FAM186B: variants seen among roughly 807,000 people sequenced by gnomAD.
FAM186B encodes the protein family with sequence similarity 186 member B.
In FAM186B, 68 loss-of-function variants were observed where a neutral mutation model predicts 83.4. The ratio of observed to expected loss-of-function variants is 0.81; its 90% CI spans 0.67 to 1.00. The LOEUF is 1.00. FAM186B is among the 50% of genes least tolerant of loss of function. The pLI, the probability that FAM186B is intolerant of heterozygous loss-of-function variation, is 0.00. For synonymous variants in FAM186B, 389 were observed against 422.0 expected, an observed-to-expected ratio of 0.92 and a Z score of 0.96; for missense variants, 983 against 1,099.2, an observed-to-expected ratio of 0.89 and a Z score of 1.49.
chr12:49,611,582 C>T, the FAM186B span, among the ~76,000 whole-genome samples: 15 of 139,086 alleles, frequency 1.1e-4, no homozygotes, highest in East Asian at 2.2e-4. Flanking sequence ...AAATGTAGGC[C>T]GGGCGCAGTG....
At chr12:49,588,390 G>A in intron 6 of FAM186B, 64 bp downstream of exon 6, 1 of 1,532,442 alleles carries the variant, frequency 6.5e-7, no homozygotes, top group South Asian at 1.2e-5. Flanking sequence ...CCCCAGGCTG[G>A]TCACCCCTGC....
the FAM186B span, among the ~76,000 whole-genome samples, chr12:49,615,472 T>C: frequency 1.3e-5 from 2 of 152,138 alleles, no homozygotes; most frequent in African/African-American, 4.8e-5. Context: ...CAACCCAAGA[T>C]TCAAATACAC....
In FAM186B at chr12:49,603,339, G is replaced by A. The variant is rs149644477; in HGVS notation, c.351C>T (p.Pro117=). Residue 117 remains proline, a synonymous_variant, in exon 3 of 7, where the codon CCC becomes CCT. Transcript: ENST00000257894. ...WGDTLTYEIG[P]RKSEEEAAAL... ...CTGCTGCTTCCTCTTCACTCTTCCT[G>A]GGCCCAATCTCATAGGTCAGAGTGT... 2.5e-6 allele frequency: 4 copies of A among 1,614,098 alleles called. No homozygotes were observed. Among genetic ancestry groups the A allele is most frequent in the Non-Finnish European group, 3.4e-6 (4 of 1,180,012 alleles).
At chr12:49,607,899 C>T (rs569643481), upstream of FAM186B, among the ~76,000 whole-genome samples, 6 of 151,936 alleles carry the variant, frequency 3.9e-5, no homozygotes, top group East Asian at 1.2e-3. Flanking sequence ...GGGGTTTCAC[C>T]ATGTTGGTCA....
chr12:49,614,852 C>T, the FAM186B span, among the ~76,000 whole-genome samples: 3 of 152,170 alleles, frequency 2.0e-5, no homozygotes, highest in East Asian at 5.8e-4. Context: ...ACACTGGGGC[C>T]GGGCGCAGTG....
intron 5 of FAM186B, among the ~76,000 whole-genome samples, chr12:49,594,589 C>T (rs1939668847): frequency 6.6e-6 from 1 of 152,154 alleles, no homozygotes. Context: ...AAATATCTTA[C>T]ACAGGCCGGG....
At position 49,605,583 on chromosome 12, in the gene FAM186B, G is replaced by A; in HGVS notation, c.-106C>T. ...GTTAAGGGCACCAGGGTGTCTCCTG[G>A]GTACCCTCTGCCCAGGCACAGCTCC... On this transcript the variant is annotated 5_prime_UTR_variant, in exon 1 of 7. Transcript: ENST00000257894. 8.0e-7 allele frequency: 1 copy of A among 1,248,950 alleles called. No homozygotes were observed. Among genetic ancestry groups the A allele is most frequent in the Non-Finnish European group, 1.1e-6 (1 of 904,748 alleles). The allele number at this position is 1,248,950 out of a possible 1,614,324, so 77.4% of individuals were successfully genotyped here. A position where few individuals can be genotyped will look rare whatever the true frequency, so the allele number is the denominator to read the frequency against.
chr12:49,618,375 G>A, the FAM186B span, among the ~76,000 whole-genome samples: 1 of 151,138 alleles, frequency 6.6e-6, no homozygotes, highest in East Asian at 1.9e-4. Flanking sequence ...TGACTGACAA[G>A]CCCATCCATG....
At position 49,588,560 on chromosome 12, in the gene FAM186B, A is replaced by T; in HGVS notation, c.2428T>A (p.Cys810Ser). ...PEVTSPKPKK[C>S]KLPAASPRHI... ...CGGGGTGAGGCTGCAGGCAACTTGC[A>T]TTTCTTTGGCTTTGGCGAGGTGACC... The change falls in exon 6 of 7, where the codon TGC becomes AGC. Residue 810 changes from cysteine to serine, a missense_variant. Physicochemically the swap from Cys to Ser is moderately radical, Grantham distance 112 (BLOSUM62 -1). Transcript: ENST00000257894. 6.2e-7 allele frequency: 1 copy of T among 1,612,148 alleles called. No individual in the cohort carries two copies. Among genetic ancestry groups the T allele is most frequent in the Non-Finnish European group, 8.5e-7 (1 of 1,178,910 alleles).
chr12:49,600,353 C>A lies in FAM186B; in HGVS notation c.1287G>T (p.Trp429Cys). The A allele has an allele frequency of 6.2e-7, 1 of 1,614,216 alleles. No homozygotes were observed. The highest frequency in any genetic ancestry group is 8.5e-7 in the Non-Finnish European group (1 of 1,180,038). ...CTAAGCTTTCTGCCACCGGTCTTTC[C>A]CATTTCTTAGGAAACCTGCGATCTA... ...PLVDRRFPKK[W>C]ERPVAESLGH... The change falls in exon 4 of 7, where the codon TGG becomes TGT. Residue 429 changes from tryptophan (W) to cysteine (C), a missense_variant. By Grantham distance (215) the Trp-to-Cys change is radical (BLOSUM62 -2). Coordinates refer to ENST00000257894, the MANE Select transcript of FAM186B (RefSeq NM_032130.3). The surrounding 1 kb of genome is among the most constrained non-coding windows in gnomAD (Gnocchi z 4.3).
the FAM186B span, among the ~76,000 whole-genome samples, chr12:49,616,023 G>T: frequency 6.6e-6 from 1 of 151,610 alleles, no homozygotes; most frequent in Non-Finnish European, 1.5e-5. Flanking sequence ...CTTTGGAAAA[G>T]AGTTTGGCAG....
At chr12:49,615,386 T>C in the FAM186B span, among the ~76,000 whole-genome samples, 1,606 of 152,302 alleles carry the variant, frequency 0.011, 16 homozygotes, top group Non-Finnish European at 0.016. Context: ...CTAAAAAGTA[T>C]TTGCAAACAT....
rs139690091 is a variant in FAM186B at position 49,588,394 on chromosome 12, C to G, written c.2534+60G>C. On this transcript the variant is annotated intron_variant, in intron 6 of 6. Transcript: ENST00000257894. ...ACTGCCCACCTCCCCAGGCTGGTCA[C>G]CCCTGCTCCCTGCCTCTTCACCCAT... 1.9e-6 allele frequency: 3 copies of G among 1,558,164 alleles called. No individual in the cohort carries two copies. In the African/African-American group the frequency reaches 4.1e-5, roughly 21 times the overall value.
At chr12:49,619,218 C>T in the FAM186B span, 2 of 195,044 alleles carry the variant, frequency 1.0e-5, no homozygotes, top group South Asian at 3.7e-4. Flanking sequence ...TGATGGTCTC[C>T]TCAAAAAAGC....
chr12:49,585,708 C>G (rs985335222), downstream of FAM186B, among the ~76,000 whole-genome samples: 36 of 152,186 alleles, frequency 2.4e-4, 1 homozygote, highest in Middle Eastern at 6.8e-3. Context: ...GTGCGCCAGA[C>G]AGCATGGCCA....
rs767248970 is a variant in FAM186B at position 49,603,391 on chromosome 12, G to A, written c.323-24C>T. The A allele has an allele frequency of 5.0e-6, 8 of 1,613,242 alleles. No individual in the cohort carries two copies. In the South Asian group the frequency reaches 8.8e-5, roughly 18 times the overall value. ...ACCTGGAGAAGGGATGGGAGGTGCAGGCTGAGAGCAGTCTGTCCTCCAGGG... is the reference window on the plus strand; with the variant it reads ...ACCTGGAGAAGGGATGGGAGGTGCAAGCTGAGAGCAGTCTGTCCTCCAGGG... On this transcript the variant is annotated intron_variant, in intron 2 of 6. Coordinates refer to ENST00000257894, the MANE Select transcript of FAM186B (RefSeq NM_032130.3).
intron 1 of FAM186B, 155 bp downstream of exon 1, chr12:49,605,227 A>G (rs1939986559): frequency 6.8e-7 from 1 of 1,472,702 alleles, no homozygotes; most frequent in Admixed American, 2.2e-5. Flanking sequence ...TTTAGGAGAG[A>G]GATAATTTAT....
At chr12:49,605,147 T>TGCC (rs1160400703) in intron 1 of FAM186B, 2 of 1,353,456 alleles carry the variant, frequency 1.5e-6, no homozygotes, top group Non-Finnish European at 1.9e-6. Context: ...TCGAGCTTCC[T>TGCC]GCCCCCTTCC....
chr12:49,620,625 G>A, the FAM186B span, among the ~76,000 whole-genome samples: 2 of 152,144 alleles, frequency 1.3e-5, no homozygotes, highest in Non-Finnish European at 2.9e-5. Flanking sequence ...CTGCATAGTA[G>A]TAGCATTTAT....
Sources: allele counts gnomAD v4.1 joint callset (sites outside exome capture counted in the v4.1 genomes callset), GRCh38; gene constraint gnomAD v4.1.1; non-coding constraint Gnocchi (gnomAD v3.1); transcripts MANE v1.5; gene names NCBI Gene and HGNC (gene_info 2026-07-23, HGNC 2026-07-21).